The following PPP2R5C variants were observed in gnomAD, a reference collection of about 807,000 sequenced individuals.
PPP2R5C encodes serine/threonine-protein phosphatase 2A 56 kDa regulatory subunit gamma isoform.
Under a neutral mutation model 68.9 loss-of-function variants are expected in PPP2R5C, and 7 were observed. That is an observed-to-expected ratio of 0.10 (90% CI 0.06 to 0.19). PPP2R5C has a LOEUF of 0.19. Ranked by LOEUF, PPP2R5C falls within the 10% of genes least tolerant of loss-of-function variation. The probability of loss-of-function intolerance (pLI) is 1.00; values close to 1 mark genes in which losing one functional copy is unlikely to be tolerated. For synonymous variants in PPP2R5C, 210 were observed against 222.2 expected, an observed-to-expected ratio of 0.95 and a Z score of 0.49; for missense variants, 348 against 641.3, an observed-to-expected ratio of 0.54 and a Z score of 4.94.
At chr14:101,900,321 A>T (rs2045602811) in intron 8 of PPP2R5C, among the ~76,000 whole-genome samples, 1 of 152,246 alleles carries the variant, frequency 6.6e-6, no homozygotes. Flanking sequence ...TTTTTAAAAA[A>T]TCACTGTAAT....
intron 1 of PPP2R5C, among the ~76,000 whole-genome samples, chr14:101,832,569 G>A (rs1335666164): frequency 1.3e-5 from 2 of 152,180 alleles, no homozygotes; most frequent in South Asian, 2.1e-4. Context: ...TTCCACCTGG[G>A]GAATCTGTTC....
chr14:101,901,826 T>C (rs562640448), exon 9 of PPP2R5C: 2 of 1,614,210 alleles, frequency 1.2e-6, no homozygotes, highest in South Asian at 2.2e-5. Context: ...CATCAGAATT[T>C]GTGAAGATCA....
rs10150855 is a variant in PPP2R5C, at chr14:101,916,530, G to A, written c.1327-1301G>A. On this transcript the variant is annotated intron_variant, in intron 12 of 13. Transcript: ENST00000334743. The surrounding 1 kb of genome is among the most constrained non-coding windows in gnomAD (Gnocchi z 5.5). ...TGCAGGTTCAGGGCTGAATGATGGC[G>A]TCCATGGTCATCATTCCTCAGAGAG... Among the ~76,000 whole-genome samples, 393 of 152,266 alleles carry A rather than the reference G, an allele frequency of 2.6e-3. 2 individuals are homozygous for A. Among genetic ancestry groups the A allele is most frequent in the African/African-American group, 8.6e-3 (359 of 41,542 alleles).
exon 9 of PPP2R5C, chr14:101,901,839 G>A (rs573361379): frequency 6.2e-7 from 1 of 1,614,200 alleles, no homozygotes; most frequent in South Asian, 1.1e-5. Context: ...GAAGATCATG[G>A]AACCCCTCTT....
chr14:101,925,280 G>C (rs756578334), exon 14 of PPP2R5C: 3 of 1,611,792 alleles, frequency 1.9e-6, no homozygotes, highest in Non-Finnish European at 2.5e-6. Context: ...TAGCCTCCGG[G>C]GCGCCGCGTC....
rs1383533300 is a variant in PPP2R5C at position 101,769,898 on chromosome 14, TAA to T, written c.93+6930_93+6931del. 8.5e-5 allele frequency among the ~76,000 whole-genome samples: 13 copies of T among 152,338 alleles called. No homozygotes were observed. The East Asian group carries it at 2.5e-3, about 29-fold the overall frequency. On this transcript the variant is annotated intron_variant, in intron 2 of 14. Coordinates refer to the PPP2R5C transcript ENST00000328724. Reference sequence around the variant, plus strand: ...GTTGTTAGGCAATGTTGTTGTTTTGTAAACATGATGGCATGTGCTTAACACAA... The same window carrying T: ...GTTGTTAGGCAATGTTGTTGTTTTGTACATGATGGCATGTGCTTAACACAA...
intron 3 of PPP2R5C, among the ~76,000 whole-genome samples, chr14:101,802,974 AG>A (rs1457739136): frequency 5.4e-5 from 8 of 149,210 alleles, no homozygotes; most frequent in African/African-American, 1.7e-4. Context: ...AAAAAAAAAA[AG>A]GAGCAAAGGC....
intron 3 of PPP2R5C, among the ~76,000 whole-genome samples, chr14:101,792,005 G>A (rs1420567916): frequency 1.3e-5 from 2 of 152,126 alleles, no homozygotes; most frequent in African/African-American, 4.8e-5. Flanking sequence ...GACACCTGGA[G>A]GCACTGCCAA....
chr14:101,893,243 G>A (rs2045077043), intron 7 of PPP2R5C, 135 bp downstream of exon 9: 1 of 570,304 alleles, frequency 1.8e-6, no homozygotes, highest in East Asian at 3.0e-5. Context: ...CAAACTTCTG[G>A]TGATAATCGA....
intron 1 of PPP2R5C, among the ~76,000 whole-genome samples, chr14:101,814,838 C>A (rs990916992): frequency 1.3e-5 from 2 of 152,144 alleles, no homozygotes; most frequent in Admixed American, 1.3e-4. Context: ...AGCACTTTGC[C>A]AATTGTGACA....
At chr14:101,872,598 A>T (rs1016496330) in intron 2 of PPP2R5C, among the ~76,000 whole-genome samples, 1 of 151,596 alleles carries the variant, frequency 6.6e-6, no homozygotes, top group Non-Finnish European at 1.5e-5. Context: ...TCCTTGAAAA[A>T]CTTTTGCTCG....
At chr14:101,897,824 T>A (rs1021108758) in intron 8 of PPP2R5C, among the ~76,000 whole-genome samples, 11 of 146,806 alleles carry the variant, frequency 7.5e-5, no homozygotes, top group South Asian at 4.3e-4. Context: ...AAAAAAAAAA[T>A]TTATCTCTCC....
intron 1 of PPP2R5C, among the ~76,000 whole-genome samples, chr14:101,854,834 A>C (rs1331677669): frequency 6.6e-6 from 1 of 152,234 alleles, no homozygotes; most frequent in Non-Finnish European, 1.5e-5. Context: ...AAAATATAAT[A>C]AACATATTAC....
upstream of PPP2R5C, chr14:101,761,823 G>A (rs1595092289): frequency 2.0e-6 from 2 of 979,768 alleles, no homozygotes; most frequent in East Asian, 1.2e-4. Context: ...CGACGGCCGG[G>A]GCGGGGGCGC....
chr14:101,807,498 G>A (rs1337576004), upstream of PPP2R5C, among the ~76,000 whole-genome samples: 4 of 152,094 alleles, frequency 2.6e-5, no homozygotes, highest in African/African-American at 9.7e-5. Context: ...GAAAAATAGA[G>A]GCCCACCTGA....
chr14:101,760,664 C>T, upstream of PPP2R5C: 1 of 888,086 alleles, frequency 1.1e-6, no homozygotes, highest in Non-Finnish European at 1.3e-6. Context: ...CGGGACCAAC[C>T]AGGGAGGGGC....
chr14:101,788,399 A>G (rs763069408), intron 3 of PPP2R5C, among the ~76,000 whole-genome samples: 2 of 152,174 alleles, frequency 1.3e-5, no homozygotes, highest in South Asian at 2.1e-4. Flanking sequence ...GTCGCCGTAT[A>G]TTATTCCATG....
chr14:101,820,411 AC>A, intron 1 of PPP2R5C: 1 of 152,328 alleles, frequency 6.6e-6, no homozygotes, highest in East Asian at 1.9e-4. Flanking sequence ...GTTCTCAGTG[AC>A]CAACGAACGA....
At chr14:101,869,211 T>C (rs1272647623) in intron 2 of PPP2R5C, among the ~76,000 whole-genome samples, 2 of 152,222 alleles carry the variant, frequency 1.3e-5, no homozygotes, top group South Asian at 2.1e-4. Context: ...AGCCTTTGGG[T>C]CTAGCTTCTT....
Sources: allele counts gnomAD v4.1 joint callset (sites outside exome capture counted in the v4.1 genomes callset), GRCh38; gene constraint gnomAD v4.1.1; non-coding constraint Gnocchi (gnomAD v3.1); transcripts MANE v1.5; gene names NCBI Gene and HGNC (gene_info 2026-07-23, HGNC 2026-07-21).